Variants in HACD4 observed in about 807,000 individuals in gnomAD.
HACD4 encodes 3-hydroxyacyl-CoA dehydratase 4.
In HACD4, 35 loss-of-function variants were observed where a neutral mutation model predicts 33.3. That is an observed-to-expected ratio of 1.05 (90% CI 0.80 to 1.39). The LOEUF (loss-of-function observed/expected upper bound fraction) is 1.39. Ranked by LOEUF, HACD4 falls within the 40% of genes most tolerant of loss-of-function variation. The probability of loss-of-function intolerance (pLI) is 0.00; values close to 1 mark genes in which losing one functional copy is unlikely to be tolerated. For missense variants in HACD4, 323 were observed against 276.5 expected, an observed-to-expected ratio of 1.17 and a Z score of -1.19; for synonymous variants, 118 against 98.0, an observed-to-expected ratio of 1.20 and a Z score of -1.21.
At chr9:21,023,231 G>A in intron 3 of HACD4, among the ~76,000 whole-genome samples, 1 of 133,596 alleles carries the variant, frequency 7.5e-6, no homozygotes, top group South Asian at 2.8e-4. Flanking sequence ...GGTGGGGGGA[G>A]GGGGGAGGAA....
chr9:21,029,255 A>G, intron 2 of HACD4, 40 bp downstream of exon 2: 1 of 1,146,624 alleles, frequency 8.7e-7, no homozygotes, highest in African/African-American at 1.5e-5. Context: ...GAAAACAAGG[A>G]TTAAAAGTTA....
At chr9:21,014,390 A>G (rs1842508420) in intron 4 of HACD4, among the ~76,000 whole-genome samples, 1 of 152,224 alleles carries the variant, frequency 6.6e-6, no homozygotes, top group Admixed American at 6.5e-5. Flanking sequence ...CCCAAAATGC[A>G]ATGAAGTACT....
chr9:21,007,006 CTT>C lies in HACD4; in HGVS notation c.*29_*30del. On this transcript the variant is annotated 3_prime_UTR_variant, in exon 7 of 7. Transcript: ENST00000495827. The stretch of plus-strand genomic sequence containing the variant: ...TTACTGCACTGAATCCACAGCCTGT[CTT>C]TTCTCGTGTCACACTGGAATGCTGT... 1 of 1,239,270 alleles carries C rather than the reference CTT, an allele frequency of 8.1e-7. No individual in the cohort carries two copies. Among genetic ancestry groups the C allele is most frequent in the Non-Finnish European group, 1.2e-6 (1 of 838,662 alleles). 76.8% of individuals were successfully genotyped at this position (1,239,270 alleles called of 1,614,324 possible).
chr9:21,016,984 C>T (rs1442074429), intron 3 of HACD4, among the ~76,000 whole-genome samples: 1 of 151,906 alleles, frequency 6.6e-6, no homozygotes, highest in Non-Finnish European at 1.5e-5. Context: ...AAAGTGCCTT[C>T]TTATGTTATA....
In HACD4 at chr9:20,999,798, C is replaced by T. The variant is rs996241123; in HGVS notation, c.*7239G>A. The T allele has an allele frequency of 4.6e-5, 7 of 152,222 alleles. No individual in the cohort carries two copies. Among genetic ancestry groups the T allele is most frequent in the Admixed American group, 4.6e-4 (7 of 15,272 alleles). 9.4% of individuals were successfully genotyped at this position (152,222 alleles called of 1,614,324 possible). A position where few individuals can be genotyped will look rare whatever the true frequency, so the allele number is the denominator to read the frequency against. ...TGCCACTATACAAGTTTCTGGGGTA[C>T]AATCTGAACAAAACGTGTCATCCCT... On this transcript the variant is annotated 3_prime_UTR_variant, in exon 7 of 7. Coordinates refer to ENST00000495827, the MANE Select transcript of HACD4 (RefSeq NM_001010915.5).
intron 4 of HACD4, among the ~76,000 whole-genome samples, chr9:21,012,837 T>G (rs1344946027): frequency 6.6e-6 from 1 of 152,092 alleles, no homozygotes; most frequent in Non-Finnish European, 1.5e-5. Flanking sequence ...GAGGCCAAGC[T>G]GGGCAGATGA....
chr9:21,002,756 G>C lies in HACD4; in HGVS notation c.*4281C>G, dbSNP rs1418004208. ...AAAATTACTGAAAAAAGTTGTCTTA[G>C]ATATGTTTTCAAAATATCTAATGGT... On this transcript the variant is annotated 3_prime_UTR_variant, in exon 7 of 7. Coordinates refer to ENST00000495827, the MANE Select transcript of HACD4 (RefSeq NM_001010915.5). 6.6e-6 allele frequency: 1 copy of C among 152,082 alleles called. No homozygotes were observed. Among genetic ancestry groups the C allele is most frequent in the South Asian group, 2.1e-4 (1 of 4,822 alleles). 9.4% of individuals were successfully genotyped at this position (152,082 alleles called of 1,614,324 possible).
intron 4 of HACD4, among the ~76,000 whole-genome samples, chr9:21,012,279 A>G (rs1842455227): frequency 6.6e-6 from 1 of 152,208 alleles, no homozygotes; most frequent in Non-Finnish European, 1.5e-5. Context: ...TTGAGCATAT[A>G]TCAGAATCAC....
At chr9:21,020,491 C>A (rs993164675) in intron 3 of HACD4, among the ~76,000 whole-genome samples, 6 of 152,128 alleles carry the variant, frequency 3.9e-5, no homozygotes, top group African/African-American at 1.4e-4. Flanking sequence ...CCCTTAAAAT[C>A]AACATTTCAG....
intron 6 of HACD4, 133 bp from the exon 7 acceptor site, chr9:21,007,252 A>T: frequency 1.6e-6 from 1 of 622,926 alleles, no homozygotes; most frequent in South Asian, 1.8e-5. Flanking sequence ...TGTGAGAAGG[A>T]ATGTTTAAAG....
chr9:21,025,354 T>C (rs537190818), intron 3 of HACD4, among the ~76,000 whole-genome samples: 1 of 152,238 alleles, frequency 6.6e-6, no homozygotes, highest in East Asian at 1.9e-4. Context: ...AGACAAATTT[T>C]AATATAAGGA....
chr9:21,024,104 T>G (rs1419371), intron 3 of HACD4, among the ~76,000 whole-genome samples: 1 of 152,342 alleles, frequency 6.6e-6, no homozygotes, highest in East Asian at 1.9e-4. Flanking sequence ...GTCTGCATAA[T>G]TCTAATATAG....
At chr9:21,013,954 T>C (rs1489766890) in intron 4 of HACD4, among the ~76,000 whole-genome samples, 1 of 152,208 alleles carries the variant, frequency 6.6e-6, no homozygotes, top group East Asian at 1.9e-4. Context: ...TTGCCATGGA[T>C]AGAACTTCCA....
intron 3 of HACD4, among the ~76,000 whole-genome samples, chr9:21,021,276 T>C (rs1277069790): frequency 1.3e-5 from 2 of 152,318 alleles, no homozygotes; most frequent in East Asian, 3.9e-4. Context: ...AATATCATAC[T>C]GAATTGGCAA....
intron 4 of HACD4, chr9:21,015,542 C>T (rs1386686367): frequency 6.2e-6 from 1 of 162,572 alleles, no homozygotes; most frequent in African/African-American, 2.4e-5. Flanking sequence ...ACTGTAAATT[C>T]TGGTGATACA....
chr9:21,016,875 G>A (rs1376982088), intron 3 of HACD4, among the ~76,000 whole-genome samples: 1 of 151,370 alleles, frequency 6.6e-6, no homozygotes, highest in Non-Finnish European at 1.5e-5. Context: ...TTCCAAGTCA[G>A]CATTTACAAA....
chr9:21,006,179 G>A lies in HACD4; in HGVS notation c.*858C>T, dbSNP rs967852636. On this transcript the variant is annotated 3_prime_UTR_variant, in exon 7 of 7. Transcript: ENST00000495827. This position sits in a 1 kb window ranked among gnomAD's most constrained non-coding sequence, Gnocchi z 4.6. ...ATCTTTGTGTTCCCCCAAAATTCAT[G>A]TGTTAAGCCCTAACCTCCAATATGA... The A allele has an allele frequency of 2.0e-5, 3 of 152,160 alleles. No individual in the cohort carries two copies. The highest frequency in any genetic ancestry group is 4.4e-5 in the Non-Finnish European group (3 of 68,030). The allele number at this position is 152,160 out of a possible 1,614,324, so 9.4% of individuals were successfully genotyped here. A position where few individuals can be genotyped will look rare whatever the true frequency, so the allele number is the denominator to read the frequency against.
intron 5 of HACD4, among the ~76,000 whole-genome samples, chr9:21,011,239 A>G (rs1365926065): frequency 6.6e-6 from 1 of 152,194 alleles, no homozygotes; most frequent in Non-Finnish European, 1.5e-5. Context: ...GAGGGGACTG[A>G]ATTTCTGTGC....
intron 3 of HACD4, among the ~76,000 whole-genome samples, chr9:21,023,634 G>A (rs993095540): frequency 1.3e-5 from 2 of 150,898 alleles, no homozygotes; most frequent in Non-Finnish European, 2.9e-5. Flanking sequence ...GAGTGCAGTG[G>A]CCTGATCTCT....
Sources: allele counts gnomAD v4.1 joint callset (sites outside exome capture counted in the v4.1 genomes callset), GRCh38; gene constraint gnomAD v4.1.1; non-coding constraint Gnocchi (gnomAD v3.1); transcripts MANE v1.5; gene names NCBI Gene and HGNC (gene_info 2026-07-23, HGNC 2026-07-21).